Variants in SPAG16 observed in about 807,000 individuals in gnomAD.
SPAG16 encodes sperm associated antigen 16, also known as sperm-associated antigen 16 protein.
SPAG16 carries 86 observed loss-of-function variants against 80.4 expected under a neutral mutation model. The observed-to-expected ratio is 1.07, with a 90% CI of 0.90 to 1.28. The LOEUF (loss-of-function observed/expected upper bound fraction) is 1.28. Among genes scored for constraint, SPAG16 ranks in the 50% most tolerant of loss-of-function variants. SPAG16 has a pLI of 0.00. For missense variants in SPAG16, 870 were observed against 765.3 expected, an observed-to-expected ratio of 1.14 and a Z score of -1.61; for synonymous variants, 294 against 265.9, an observed-to-expected ratio of 1.11 and a Z score of -1.03.
intron 14 of SPAG16, among the ~76,000 whole-genome samples, chr2:214,139,293 T>C (rs2055226024): frequency 6.6e-6 from 1 of 152,106 alleles, no homozygotes; most frequent in African/African-American, 2.4e-5. Context: ...GTGTGGTTTC[T>C]TTAATCTCTA....
At chr2:213,510,890 C>T (rs556531706) in intron 10 of SPAG16, among the ~76,000 whole-genome samples, 2 of 152,180 alleles carry the variant, frequency 1.3e-5, no homozygotes, top group South Asian at 4.1e-4. Flanking sequence ...TATAGTTCAT[C>T]TTATTGAAAC....
intron 10 of SPAG16, among the ~76,000 whole-genome samples, chr2:213,595,585 T>C (rs62195177): frequency 2.2e-4 from 34 of 152,114 alleles, no homozygotes; most frequent in Non-Finnish European, 4.4e-4. Flanking sequence ...AATATTTCTG[T>C]TACAAAACAT....
intron 10 of SPAG16, among the ~76,000 whole-genome samples, chr2:213,819,916 C>T (rs1173864457): frequency 2.0e-5 from 3 of 150,758 alleles, no homozygotes; most frequent in Non-Finnish European, 4.4e-5. Context: ...GCCACCACAC[C>T]CGGCTAATTT....
In SPAG16 at chr2:214,101,971, G is replaced by A. The variant is rs543492583; in HGVS notation, c.1528-6225G>A. ...AAAGTCAATGGGTGAATATGCTCCC[G>A]GGTTAGAACTACACTGAAGCAAAGG... On this transcript the variant is annotated intron_variant, in intron 13 of 15. Transcript: ENST00000331683. Among the ~76,000 whole-genome samples the A allele has an allele frequency of 3.8e-4, 58 of 152,144 alleles. No homozygotes were observed. In the South Asian group the frequency reaches 6.4e-3, roughly 17 times the overall value.
At chr2:214,402,032 G>C (rs1701736050) in intron 15 of SPAG16, among the ~76,000 whole-genome samples, 1 of 151,852 alleles carries the variant, frequency 6.6e-6, no homozygotes, top group Non-Finnish European at 1.5e-5. Flanking sequence ...AACAGTACCT[G>C]ATAACTGGTG....
chr2:214,307,851 G>T (rs1162139632), intron 15 of SPAG16, among the ~76,000 whole-genome samples: 1 of 152,128 alleles, frequency 6.6e-6, no homozygotes, highest in South Asian at 2.1e-4. Context: ...GCAATGAAAA[G>T]AATGTATATC....
intron 9 of SPAG16, among the ~76,000 whole-genome samples, chr2:213,478,408 T>C (rs2073548397): frequency 6.6e-6 from 1 of 152,208 alleles, no homozygotes; most frequent in African/African-American, 2.4e-5. Context: ...TATATCAATG[T>C]AGCAGTATAT....
chr2:213,649,183 G>T (rs1393592029), intron 10 of SPAG16, among the ~76,000 whole-genome samples: 4 of 152,204 alleles, frequency 2.6e-5, no homozygotes, highest in African/African-American at 4.8e-5. Context: ...AAGAAGAAAA[G>T]AGACATTTTG....
At chr2:214,213,180 A>T (rs551886517) in intron 15 of SPAG16, among the ~76,000 whole-genome samples, 1 of 152,294 alleles carries the variant, frequency 6.6e-6, no homozygotes, top group African/African-American at 2.4e-5. Flanking sequence ...CCAGTTTCTC[A>T]CACACACAGG....
At chr2:214,293,840 A>G (rs1054528187) in intron 15 of SPAG16, among the ~76,000 whole-genome samples, 4 of 152,098 alleles carry the variant, frequency 2.6e-5, no homozygotes, top group Non-Finnish European at 5.9e-5. Flanking sequence ...AGCTTTCTGA[A>G]TGGTACCAGC....
chr2:213,958,903 G>C (rs6722817), intron 12 of SPAG16, among the ~76,000 whole-genome samples: 83,012 of 151,874 alleles, frequency 0.55, 24,410 homozygotes, highest in South Asian at 0.78. Context: ...GTCATTTTAC[G>C]CTGCAGGACT....
At chr2:214,199,634 A>G (rs1224001470) in intron 15 of SPAG16, among the ~76,000 whole-genome samples, 1 of 152,134 alleles carries the variant, frequency 6.6e-6, no homozygotes, top group Non-Finnish European at 1.5e-5. Context: ...TAGTTCTGTG[A>G]AGAATGATGA....
intron 10 of SPAG16, among the ~76,000 whole-genome samples, chr2:213,578,094 A>G (rs368461803): frequency 1.3e-5 from 2 of 151,960 alleles, no homozygotes; most frequent in East Asian, 3.9e-4. Flanking sequence ...ATGTTTTAAA[A>G]CATCAAAAAA....
At chr2:213,527,696 G>A (rs985918592) in intron 10 of SPAG16, among the ~76,000 whole-genome samples, 5 of 151,976 alleles carry the variant, frequency 3.3e-5, no homozygotes, top group African/African-American at 1.2e-4. Flanking sequence ...TCAACACACA[G>A]AAAATAAGAC....
At position 213,312,394 on chromosome 2, in the gene SPAG16, A is replaced by AT. The variant is rs2063227227; in HGVS notation, c.398+2219dup. Among the ~76,000 whole-genome samples, 4 of 151,742 alleles carry AT rather than the reference A, an allele frequency of 2.6e-5. No homozygotes were observed. In the South Asian group the frequency reaches 8.3e-4, roughly 31 times the overall value. ...AAAATGGAGAAAATATGATAATCTA[A>AT]TTCCAGTACCCTTACCTGAGCATAT... is the stretch of plus-strand genomic sequence containing the variant. On this transcript the variant is annotated intron_variant, in intron 4 of 15. Coordinates refer to ENST00000331683, the MANE Select transcript of SPAG16 (RefSeq NM_024532.5).
At chr2:213,769,373 G>C (rs566973425) in intron 10 of SPAG16, among the ~76,000 whole-genome samples, 4 of 152,288 alleles carry the variant, frequency 2.6e-5, no homozygotes, top group African/African-American at 9.6e-5. Context: ...TGGACTTGAA[G>C]ACAGCCTTAC....
intron 9 of SPAG16, among the ~76,000 whole-genome samples, chr2:213,423,542 G>A (rs761819133): frequency 2.6e-5 from 4 of 152,074 alleles, no homozygotes; most frequent in Non-Finnish European, 5.9e-5. Context: ...ATTTGTAAAA[G>A]GGGGATAAAA....
intron 5 of SPAG16, among the ~76,000 whole-genome samples, chr2:213,321,221 A>T (rs1024579300): frequency 1.3e-5 from 2 of 152,112 alleles, no homozygotes; most frequent in African/African-American, 4.8e-5. Context: ...TTAGTGATGT[A>T]TCTAGGAAAA....
chr2:214,100,079 G>C (rs936072164), intron 13 of SPAG16, among the ~76,000 whole-genome samples: 2 of 151,936 alleles, frequency 1.3e-5, no homozygotes, highest in Admixed American at 1.3e-4. Context: ...CCCCCATGCT[G>C]TTCTCATGAT....
Sources: allele counts gnomAD v4.1 joint callset (sites outside exome capture counted in the v4.1 genomes callset), GRCh38; gene constraint gnomAD v4.1.1; transcripts MANE v1.5; gene names NCBI Gene and HGNC (gene_info 2026-07-23, HGNC 2026-07-21).